The following CSMD1 variants were observed in gnomAD, a reference collection of about 807,000 sequenced individuals.
CSMD1 encodes CUB and sushi domain-containing protein 1.
In CSMD1, 213 loss-of-function variants were observed where a neutral mutation model predicts 417.5. The ratio of observed to expected loss-of-function variants is 0.51; its 90% CI spans 0.46 to 0.57. The LOEUF is 0.57. CSMD1 is among the 20% of genes least tolerant of loss of function. The pLI is 0.00. For synonymous variants in CSMD1, 2,862 were observed against 1,736.8 expected (o/e 1.65, Z -16.11); for missense variants, 6,923 against 4,529.7 (o/e 1.53, Z -15.17).
chr8:3,361,994 C>A (rs1809217090), intron 20 of CSMD1, among the ~76,000 whole-genome samples: 1 of 152,148 alleles, frequency 6.6e-6, no homozygotes, highest in African/African-American at 2.4e-5. Context: ...TTGTCTAACA[C>A]AAGAAAAGTG....
chr8:4,977,165 T>A (rs763263382), intron 1 of CSMD1, among the ~76,000 whole-genome samples: 2 of 152,208 alleles, frequency 1.3e-5, no homozygotes, highest in Non-Finnish European at 2.9e-5. Context: ...GTTTTGAACT[T>A]TTCCTTGTTA....
chr8:4,812,789 A>T (rs947915535), intron 1 of CSMD1, among the ~76,000 whole-genome samples: 3 of 152,216 alleles, frequency 2.0e-5, no homozygotes, highest in Admixed American at 1.3e-4. Context: ...ATTTTTGTAG[A>T]TGCTCTTATG....
At chr8:4,302,288 G>A (rs183889910) in intron 3 of CSMD1, among the ~76,000 whole-genome samples, 2 of 152,118 alleles carry the variant, frequency 1.3e-5, no homozygotes, top group Non-Finnish European at 2.9e-5. Context: ...AGATATCCTT[G>A]GAATGGTTTT....
At chr8:4,193,495 A>G (rs1799154641) in intron 3 of CSMD1, among the ~76,000 whole-genome samples, 1 of 152,092 alleles carries the variant, frequency 6.6e-6, no homozygotes, top group Admixed American at 6.5e-5. Context: ...GAAGGTGACG[A>G]TGGCTTCAGT....
intron 1 of CSMD1, among the ~76,000 whole-genome samples, chr8:4,989,959 G>C (rs1451623153): frequency 1.3e-5 from 2 of 152,202 alleles, no homozygotes; most frequent in African/African-American, 4.8e-5. Flanking sequence ...GCTTTCGCCT[G>C]TAGAAGCTTC....
chr8:3,370,676 T>C (rs930492319), intron 18 of CSMD1, among the ~76,000 whole-genome samples: 9 of 152,076 alleles, frequency 5.9e-5, no homozygotes, highest in Non-Finnish European at 1.3e-4. Context: ...TGGAACCGAA[T>C]AAAAAGGCAG....
intron 2 of CSMD1, among the ~76,000 whole-genome samples, chr8:4,549,456 G>C (rs1320569228): frequency 6.6e-6 from 1 of 152,106 alleles, no homozygotes; most frequent in Non-Finnish European, 1.5e-5. Context: ...AATTGACTCT[G>C]TTAAATAGGT....
chr8:4,389,322 A>G (rs1458483752), intron 3 of CSMD1, among the ~76,000 whole-genome samples: 1 of 152,158 alleles, frequency 6.6e-6, no homozygotes, highest in Non-Finnish European at 1.5e-5. Context: ...AATCCTTGTC[A>G]TCCTTCTCTT....
chr8:4,098,276 G>C (rs1022879131), intron 3 of CSMD1, among the ~76,000 whole-genome samples: 5 of 152,082 alleles, frequency 3.3e-5, no homozygotes, highest in Non-Finnish European at 7.4e-5. Flanking sequence ...AATGGCATCA[G>C]AACAAAAGGC....
intron 7 of CSMD1, among the ~76,000 whole-genome samples, chr8:3,682,064 G>C (rs371881320): frequency 7.2e-5 from 11 of 152,260 alleles, no homozygotes; most frequent in Non-Finnish European, 1.3e-4. Flanking sequence ...AGACTTAAAT[G>C]TTAGACCTAA....
intron 5 of CSMD1, among the ~76,000 whole-genome samples, chr8:3,819,630 C>G (rs1043323605): frequency 2.1e-4 from 32 of 152,038 alleles, no homozygotes; most frequent in Admixed American, 8.5e-4. Context: ...GTTGCCCAGG[C>G]TGGAGTACAG....
intron 3 of CSMD1, among the ~76,000 whole-genome samples, chr8:4,113,952 C>G (rs188201555): frequency 2.5e-4 from 38 of 152,334 alleles, no homozygotes; most frequent in African/African-American, 9.1e-4. Context: ...AAGAAGCCAT[C>G]TCCATAATAT....
At chr8:3,155,400 C>T (rs1212083970) in intron 39 of CSMD1, among the ~76,000 whole-genome samples, 2 of 26,384 alleles carry the variant, frequency 7.6e-5, no homozygotes, top group Non-Finnish European at 1.1e-4. Flanking sequence ...CAGAATCTCG[C>T]TCTGTCACCC....
intron 3 of CSMD1, among the ~76,000 whole-genome samples, chr8:4,410,537 C>G (rs1796594597): frequency 6.6e-6 from 1 of 152,196 alleles, no homozygotes; most frequent in African/African-American, 2.4e-5. Context: ...TATTAGACAT[C>G]ATCCACTCTC....
intron 1 of CSMD1, among the ~76,000 whole-genome samples, chr8:4,820,147 C>G (rs1436050217): frequency 2.0e-5 from 3 of 152,148 alleles, no homozygotes; most frequent in African/African-American, 7.2e-5. Context: ...CACCACCTCT[C>G]TGTGAAGGGA....
chr8:3,177,799 C>G (rs984553608), intron 37 of CSMD1, among the ~76,000 whole-genome samples: 1 of 152,142 alleles, frequency 6.6e-6, no homozygotes, highest in African/African-American at 2.4e-5. Context: ...AAGATCCATC[C>G]TGTACACCTT....
chr8:4,174,382 G>C (rs899412643), intron 3 of CSMD1, among the ~76,000 whole-genome samples: 65 of 152,076 alleles, frequency 4.3e-4, no homozygotes, highest in African/African-American at 1.5e-3. Context: ...ATTTGCGCAA[G>C]GCCTAATTCC....
chr8:4,045,511 G>A (rs372069632), intron 3 of CSMD1, among the ~76,000 whole-genome samples: 1 of 152,174 alleles, frequency 6.6e-6, no homozygotes, highest in Admixed American at 6.5e-5. Flanking sequence ...ACCAGATCCA[G>A]GGACATCATG....
intron 1 of CSMD1, among the ~76,000 whole-genome samples, chr8:4,687,910 T>C (rs551378599): frequency 6.6e-6 from 1 of 152,112 alleles, no homozygotes; most frequent in Non-Finnish European, 1.5e-5. Context: ...TAACGACATG[T>C]CATATGTGAA....
Sources: allele counts gnomAD v4.1 joint callset (sites outside exome capture counted in the v4.1 genomes callset), GRCh38; gene constraint gnomAD v4.1.1; transcripts MANE v1.5; gene names NCBI Gene and HGNC (gene_info 2026-07-23, HGNC 2026-07-21).